CFAP61: variants seen among roughly 807,000 people sequenced by gnomAD.
CFAP61 encodes cilia- and flagella-associated protein 61.
CFAP61 carries 107 observed loss-of-function variants against 135.6 expected under a neutral mutation model. The observed-to-expected ratio is 0.79, with a 90% CI of 0.67 to 0.93. CFAP61 has a LOEUF of 0.93. CFAP61 is among the 40% of genes least tolerant of loss of function. CFAP61 has a pLI of 0.00. For missense variants in CFAP61, 1,507 were observed against 1,556.2 expected (o/e 0.97, Z 0.53); for synonymous variants, 575 against 578.5 (o/e 0.99, Z 0.09).
At chr20:20,164,342 C>G (rs757456337) in intron 11 of CFAP61, 114 bp downstream of exon 11, 1 of 1,035,200 alleles carries the variant, frequency 9.7e-7, no homozygotes, top group Admixed American at 2.5e-5. Flanking sequence ...ACATCCTAAT[C>G]TCCTGGGGAA....
chr20:20,352,406 C>T (rs530291013), intron 26 of CFAP61, among the ~76,000 whole-genome samples: 4 of 152,270 alleles, frequency 2.6e-5, no homozygotes, highest in South Asian at 2.1e-4. Flanking sequence ...TCGACAGACA[C>T]GTGGGGATTA....
At chr20:20,296,255 C>A (rs371068824) in intron 24 of CFAP61, among the ~76,000 whole-genome samples, 56 of 81,042 alleles carry the variant, frequency 6.9e-4, no homozygotes, top group African/African-American at 2.6e-3. Context: ...CCTCTTCCTT[C>A]CTTTCTTCAC....
At chr20:20,208,734 T>G (rs574625985) in intron 17 of CFAP61, among the ~76,000 whole-genome samples, 1 of 152,138 alleles carries the variant, frequency 6.6e-6, no homozygotes, top group African/African-American at 2.4e-5. Context: ...CCCCTGGAGG[T>G]GCCCCATAGG....
At chr20:20,171,823 C>G (rs566045226) in intron 13 of CFAP61, 1 of 704,338 alleles carries the variant, frequency 1.4e-6, no homozygotes, top group South Asian at 1.5e-5. Flanking sequence ...ACCAGAGTGT[C>G]AAAGGGCTCT....
chr20:20,269,144 T>TACACAC (rs1447270120), intron 21 of CFAP61, among the ~76,000 whole-genome samples: 1 of 85,064 alleles, frequency 1.2e-5, no homozygotes, highest in Non-Finnish European at 2.7e-5. Flanking sequence ...TATATATATA[T>TACACAC]ATACACACAC....
At chr20:20,080,662 G>T (rs910157145) in intron 6 of CFAP61, among the ~76,000 whole-genome samples, 1 of 152,126 alleles carries the variant, frequency 6.6e-6, no homozygotes, top group African/African-American at 2.4e-5. Flanking sequence ...TGACCAAATA[G>T]AGTTGTTTCC....
intron 17 of CFAP61, chr20:20,215,256 C>G (rs906545518): frequency 6.6e-6 from 1 of 152,208 alleles, no homozygotes; most frequent in African/African-American, 2.4e-5. Flanking sequence ...TCTCTGCCTT[C>G]ATTGTTCCAT....
intron 25 of CFAP61, among the ~76,000 whole-genome samples, chr20:20,318,265 G>A (rs921757802): frequency 6.6e-6 from 1 of 152,176 alleles, no homozygotes; most frequent in African/African-American, 2.4e-5. Flanking sequence ...TATTGCAACA[G>A]CTCAATCTGC....
At chr20:20,067,711 A>G (rs1213942011) in intron 2 of CFAP61, among the ~76,000 whole-genome samples, 3 of 145,314 alleles carry the variant, frequency 2.1e-5, no homozygotes, top group Non-Finnish European at 4.5e-5. Flanking sequence ...TTCATATTTT[A>G]TATATAATAT....
chr20:20,328,659 A>T (rs1423638344), intron 25 of CFAP61, among the ~76,000 whole-genome samples: 1 of 152,228 alleles, frequency 6.6e-6, no homozygotes, highest in East Asian at 1.9e-4. Context: ...AATATCCAAA[A>T]TATATAATGA....
intron 14 of CFAP61, 40 bp downstream of exon 14, chr20:20,188,096 A>T (rs753469114): frequency 6.2e-7 from 1 of 1,609,762 alleles, no homozygotes. Flanking sequence ...ATATGGGACC[A>T]TTATGATGAC....
chr20:20,303,188 G>A (rs568302738), intron 25 of CFAP61, among the ~76,000 whole-genome samples: 2 of 152,132 alleles, frequency 1.3e-5, no homozygotes, highest in East Asian at 1.9e-4. Context: ...AAGACTTTCC[G>A]GAAAAAAAAT....
At chr20:20,107,911 G>A (rs1478616738) in intron 8 of CFAP61, 1 of 152,138 alleles carries the variant, frequency 6.6e-6, no homozygotes, top group Non-Finnish European at 1.5e-5. Context: ...GCAGGGATGA[G>A]CAACCACACC....
At chr20:20,327,443 T>TTATC (rs2057793825) in intron 25 of CFAP61, among the ~76,000 whole-genome samples, 1 of 152,158 alleles carries the variant, frequency 6.6e-6, no homozygotes, top group African/African-American at 2.4e-5. Context: ...CACCTTCTTA[T>TTATC]TATCTTTCTT....
chr20:20,244,801 G>C (rs2050310660), intron 18 of CFAP61, among the ~76,000 whole-genome samples: 2 of 152,180 alleles, frequency 1.3e-5, no homozygotes, highest in Admixed American at 1.3e-4. Flanking sequence ...TTTATGCTCT[G>C]CTTCCCTTAT....
At chr20:20,353,557 A>G (rs1036851089) in intron 26 of CFAP61, among the ~76,000 whole-genome samples, 1 of 152,222 alleles carries the variant, frequency 6.6e-6, no homozygotes, top group Non-Finnish European at 1.5e-5. Flanking sequence ...AGTGTTTTTC[A>G]TCTTTATTTA....
Position 20,200,338 on chromosome 20 carries a change from C to T in CFAP61, c.1932+436C>T, listed in dbSNP as rs117317869. Among the ~76,000 whole-genome samples, 104 of 152,162 alleles carry T rather than the reference C, an allele frequency of 6.8e-4. 3 individuals carry two copies. In the East Asian group the frequency reaches 0.019, roughly 28 times the overall value. On this transcript the variant is annotated intron_variant, in intron 17 of 26. Transcript: ENST00000245957. ...GGCTGCATTCGAGATGTTTGGGCCCCGGGTCCTAAGCTGGTTTGTTTAACT... is the reference window on the plus strand; with the variant it reads ...GGCTGCATTCGAGATGTTTGGGCCCTGGGTCCTAAGCTGGTTTGTTTAACT...
intron 26 of CFAP61, among the ~76,000 whole-genome samples, chr20:20,355,082 G>C (rs2059027999): frequency 6.7e-6 from 1 of 149,636 alleles, no homozygotes. Flanking sequence ...CACACTGTGA[G>C]AGGGAAGGTG....
intron 15 of CFAP61, among the ~76,000 whole-genome samples, chr20:20,192,812 G>A (rs895642949): frequency 6.6e-6 from 1 of 152,094 alleles, no homozygotes; most frequent in Non-Finnish European, 1.5e-5. Flanking sequence ...TTTTCTAAAT[G>A]TTTGTCTTGT....
Sources: gnomAD v4.1 joint callset for allele counts (sites outside exome capture counted in the v4.1 genomes callset) on GRCh38, gnomAD v4.1.1 for gene constraint, MANE v1.5 for transcripts, NCBI Gene and HGNC (gene_info 2026-07-23, HGNC 2026-07-21) for gene names.